The following LAMTOR1 variants were observed in gnomAD, a reference collection of about 807,000 sequenced individuals.
LAMTOR1 encodes ragulator complex protein LAMTOR1.
A neutral mutation model predicts 20.5 loss-of-function variants in LAMTOR1; 8 were observed. The ratio of observed to expected loss-of-function variants is 0.39; its 90% CI spans 0.23 to 0.70. The LOEUF (loss-of-function observed/expected upper bound fraction) is 0.70, where lower values mean the gene tolerates loss of function less well. Among genes scored for constraint, LAMTOR1 ranks in the 30% least tolerant of loss-of-function variants. The pLI is 0.43. For synonymous variants in LAMTOR1, 77 were observed against 80.9 expected, an observed-to-expected ratio of 0.95 and a Z score of 0.26; for missense variants, 135 against 206.2, an observed-to-expected ratio of 0.65 and a Z score of 2.11.
Position 72,103,261 on chromosome 11 carries a change from G to A in LAMTOR1, c.-37C>T, listed in dbSNP as rs528544920. On this transcript the variant is annotated 5_prime_UTR_variant, in exon 1 of 5. Coordinates refer to ENST00000278671, the MANE Select transcript of LAMTOR1 (RefSeq NM_017907.3). ...GGCCGGGCGCTCAGGCCGCGCCGAG[G>A]AGGGACGGCGTCCGTGAGGAGCCCT... is the stretch of plus-strand genomic sequence containing the variant. 1.6e-3 allele frequency: 2,405 copies of A among 1,548,608 alleles called. 5 individuals are homozygous for A. The highest frequency in any genetic ancestry group is 1.9e-3 in the Non-Finnish European group (2,137 of 1,146,140).
intron 1 of LAMTOR1, chr11:72,100,841 T>C (rs1307344830): frequency 6.6e-6 from 1 of 152,306 alleles, no homozygotes; most frequent in African/African-American, 2.4e-5. Flanking sequence ...CTCAGGCAAT[T>C]TGATCCAGTT....
chr11:72,103,282 G>GC lies in LAMTOR1; in HGVS notation c.-59dup. 1 of 1,538,060 alleles carries GC rather than the reference G, an allele frequency of 6.5e-7. No individual in the cohort carries two copies. On this transcript the variant is annotated 5_prime_UTR_variant, in exon 1 of 5. Coordinates refer to ENST00000278671, the MANE Select transcript of LAMTOR1 (RefSeq NM_017907.3). ...CGAGGAGGGACGGCGTCCGTGAGGA[G>GC]CCCTTCCGGTCACATGACCCGCGGC...
intron 2 of LAMTOR1, 74 bp downstream of exon 2, chr11:72,099,037 G>C: frequency 6.3e-7 from 1 of 1,576,174 alleles, no homozygotes; most frequent in Non-Finnish European, 8.6e-7. Flanking sequence ...CATGTCCTGA[G>C]CCTGGCTCCT....
chr11:72,098,171 G>T (rs1401224160), intron 4 of LAMTOR1, 118 bp downstream of exon 4: 2 of 1,352,088 alleles, frequency 1.5e-6, no homozygotes, highest in Admixed American at 4.3e-5. Flanking sequence ...GGCCTACAAG[G>T]CTACCAGGCT....
At chr11:72,102,169 G>A (rs1009992219) in intron 1 of LAMTOR1, among the ~76,000 whole-genome samples, 3 of 152,212 alleles carry the variant, frequency 2.0e-5, no homozygotes, top group East Asian at 1.9e-4. Flanking sequence ...AAGTACCAGT[G>A]ATATAATCTA....
In LAMTOR1 at chr11:72,098,331, T is replaced by C; in HGVS notation, c.351A>G (p.Gln117=). 1 of 1,613,666 alleles carries C rather than the reference T, an allele frequency of 6.2e-7. No individual in the cohort carries two copies. The highest frequency in any genetic ancestry group is 1.1e-5 in the South Asian group (1 of 90,930). ...PLPSLTSQPH[Q]VLASEPIPFS... ...ACGGGATGGGCTCACTGGCCAGCACTTGGTGGGGCTGGCTGGTAAGAGACG... is the reference window on the plus strand; with the variant it reads ...ACGGGATGGGCTCACTGGCCAGCACCTGGTGGGGCTGGCTGGTAAGAGACG... Residue 117 remains glutamine, a synonymous_variant, in exon 4 of 5, where the codon CAA becomes CAG. Transcript: ENST00000278671.
At position 72,098,433 on chromosome 11, in the gene LAMTOR1, G is replaced by C. The variant is rs755034677; in HGVS notation, c.267-18C>G. The C allele has an allele frequency of 1.4e-5, 23 of 1,606,430 alleles. No individual in the cohort carries two copies. The Admixed American group carries it at 2.2e-4, about 15-fold the overall frequency. On this transcript the variant is annotated intron_variant, in intron 3 of 4. Transcript: ENST00000278671. The stretch of plus-strand genomic sequence containing the variant: ...AGCGGGTGCTGACCAAGAGAGAGGG[G>C]GTGGGGGTAGGCAGTTAAGCCACAG...
At position 72,098,626 on chromosome 11, in the gene LAMTOR1, T is replaced by A. The variant is rs559190591; in HGVS notation, c.266+155A>T. The A allele has an allele frequency of 3.8e-6, 3 of 786,984 alleles. No homozygotes were observed. The African/African-American group carries it at 5.2e-5, about 14-fold the overall frequency. 48.8% of individuals were successfully genotyped at this position (786,984 alleles called of 1,614,324 possible). On this transcript the variant is annotated intron_variant, in intron 3 of 4. Coordinates refer to ENST00000278671, the MANE Select transcript of LAMTOR1 (RefSeq NM_017907.3). The stretch of plus-strand genomic sequence containing the variant: ...TGTCACAGGGTAAACAGGGCTGACA[T>A]GAATAACTACTGAAGCACCCAAGTG...
At chr11:72,099,507 G>A (rs1945361451) in intron 1 of LAMTOR1, among the ~76,000 whole-genome samples, 1 of 152,190 alleles carries the variant, frequency 6.6e-6, no homozygotes, top group Non-Finnish European at 1.5e-5. Flanking sequence ...AAAATGGACA[G>A]AGGCACAAAG....
At position 72,097,619 on chromosome 11, in the gene LAMTOR1, C is replaced by G; in HGVS notation, c.*203G>C. On this transcript the variant is annotated 3_prime_UTR_variant, in exon 5 of 5. Transcript: ENST00000278671. ...TTTTGGCCCCCACCCCATCCCTGGC[C>G]AGAGCTTCAAAGGCCAGTCCCAAAA... The G allele has an allele frequency of 7.2e-7, 1 of 1,392,600 alleles. No individual in the cohort carries two copies. The highest frequency in any genetic ancestry group is 1.6e-5 in the South Asian group (1 of 64,360). The allele number at this position is 1,392,600 out of a possible 1,614,324, so 86.3% of individuals were successfully genotyped here.
chr11:72,102,104 C>T (rs1031592647), intron 1 of LAMTOR1, among the ~76,000 whole-genome samples: 2 of 152,216 alleles, frequency 1.3e-5, no homozygotes, highest in Non-Finnish European at 2.9e-5. Context: ...ACGACATTTT[C>T]CTAGGCTTAA....
In LAMTOR1 at chr11:72,098,862, T is replaced by C. The variant is rs762194674; in HGVS notation, c.189-4A>G. Reference sequence around the variant, plus strand: ...AGCAGACACATCAATGATGTTGCTATGGGGAGAGGAGACAGAGATGACATG... The same window carrying C: ...AGCAGACACATCAATGATGTTGCTACGGGGAGAGGAGACAGAGATGACATG... On this transcript the variant is annotated splice_region_variant and splice_polypyrimidine_tract_variant and intron_variant, in intron 2 of 4. Coordinates refer to ENST00000278671, the MANE Select transcript of LAMTOR1 (RefSeq NM_017907.3). 6.5e-7 allele frequency: 1 copy of C among 1,545,328 alleles called. No homozygotes were observed. The highest frequency in any genetic ancestry group is 8.7e-7 in the Non-Finnish European group (1 of 1,144,598).
At chr11:72,103,127 CCCCATG>C (rs1945511270) in intron 1 of LAMTOR1, 50 bp downstream of exon 1, 52 of 1,555,516 alleles carry the variant, frequency 3.3e-5, no homozygotes, top group Non-Finnish European at 4.5e-5. Context: ...TCTTTCTGGG[CCCCATG>C]CCCCAGTGTC....
At position 72,103,289 on chromosome 11, in the gene LAMTOR1, C is replaced by A; in HGVS notation, c.-65G>T. 1 of 1,530,900 alleles carries A rather than the reference C, an allele frequency of 6.5e-7. No individual in the cohort carries two copies. Among genetic ancestry groups the A allele is most frequent in the Non-Finnish European group, 8.8e-7 (1 of 1,138,436 alleles). 94.8% of individuals were successfully genotyped at this position (1,530,900 alleles called of 1,614,324 possible). On this transcript the variant is annotated 5_prime_UTR_variant, in exon 1 of 5. Coordinates refer to ENST00000278671, the MANE Select transcript of LAMTOR1 (RefSeq NM_017907.3). The stretch of plus-strand genomic sequence containing the variant: ...GGACGGCGTCCGTGAGGAGCCCTTC[C>A]GGTCACATGACCCGCGGCGGCCTCC...
rs760392879 is a variant in LAMTOR1 at position 72,099,172 on chromosome 11, G to A, written c.127C>T (p.Leu43=). 5 of 1,613,720 alleles carry A rather than the reference G, an allele frequency of 3.1e-6. No individual in the cohort carries two copies. Among genetic ancestry groups the A allele is most frequent in the Non-Finnish European group, 4.2e-6 (5 of 1,179,756 alleles). Residue 43 remains leucine (L), a synonymous_variant, in exon 2 of 5, where the codon CTG becomes TTG. Coordinates refer to ENST00000278671, the MANE Select transcript of LAMTOR1 (RefSeq NM_017907.3). Reference sequence around the variant, plus strand: ...TGCTCATCAGTGCGAGCGGAAGGCAGGCTGTGGTAGTTGGGCTCGGCTCCA... The same window carrying A: ...TGCTCATCAGTGCGAGCGGAAGGCAAGCTGTGGTAGTTGGGCTCGGCTCCA... ...LNGAEPNYHS[L]PSARTDEQAL...
intron 1 of LAMTOR1, 81 bp from the exon 2 acceptor site, chr11:72,099,337 T>C (rs1424507285): frequency 1.4e-6 from 2 of 1,453,242 alleles, no homozygotes; most frequent in Admixed American, 4.8e-5. Context: ...AGCCCAGCTC[T>C]GACCTTAAAC....
At chr11:72,101,850 C>T (rs970777690) in intron 1 of LAMTOR1, among the ~76,000 whole-genome samples, 1 of 152,166 alleles carries the variant, frequency 6.6e-6, no homozygotes, top group Non-Finnish European at 1.5e-5. Context: ...TATCCTTTCT[C>T]ATACGGCATT....
chr11:72,101,317 G>C (rs949521144), intron 1 of LAMTOR1, among the ~76,000 whole-genome samples: 22 of 152,214 alleles, frequency 1.4e-4, no homozygotes, highest in South Asian at 6.2e-4. Flanking sequence ...TGTAACCCAA[G>C]AGGCAGGGTT....
At chr11:72,099,075 GGA>G (rs746828269) in intron 2 of LAMTOR1, 34 bp downstream of exon 2, 2 of 1,609,484 alleles carry the variant, frequency 1.2e-6, no homozygotes, top group East Asian at 4.5e-5. Flanking sequence ...TATGGATAGA[GGA>G]GCTCTGACCC....
Sources: allele counts gnomAD v4.1 joint callset (sites outside exome capture counted in the v4.1 genomes callset), GRCh38; gene constraint gnomAD v4.1.1; transcripts MANE v1.5; gene names NCBI Gene and HGNC (gene_info 2026-07-23, HGNC 2026-07-21).